Variants in ARHGEF28 observed in about 807,000 individuals in gnomAD.
ARHGEF28 encodes the protein 190 kDa guanine nucleotide exchange factor.
A neutral mutation model predicts 206.6 loss-of-function variants in ARHGEF28; 152 were observed. The observed-to-expected ratio is 0.74, with a 90% CI of 0.64 to 0.84. The LOEUF is 0.84. Ranked by LOEUF, ARHGEF28 falls within the 40% of genes least tolerant of loss-of-function variation. ARHGEF28 has a pLI of 0.00. For synonymous variants in ARHGEF28, 763 were observed against 776.4 expected, an observed-to-expected ratio of 0.98 and a Z score of 0.29; for missense variants, 2,028 against 2,073.2, an observed-to-expected ratio of 0.98 and a Z score of 0.42.
In ARHGEF28 at chr5:73,766,828, C is replaced by A. The variant is rs566751278; in HGVS notation, c.476-7027C>A. On this transcript the variant is annotated intron_variant, in intron 4 of 35. Transcript: ENST00000513042. The stretch of plus-strand genomic sequence containing the variant: ...ATTTAGAGAAACTAATATCTCATAG[C>A]AAATCTGTTCCATAGCAATTCCATT... Among the ~76,000 whole-genome samples the A allele has an allele frequency of 3.3e-5, 5 of 152,322 alleles. No homozygotes were observed. The South Asian group carries it at 1.0e-3, about 32-fold the overall frequency.
intron 2 of ARHGEF28, among the ~76,000 whole-genome samples, chr5:73,736,280 C>T (rs950923103): frequency 6.6e-5 from 10 of 152,110 alleles, no homozygotes; most frequent in Admixed American, 6.5e-5. Context: ...CTCTTGTTTT[C>T]GGCAGAGGCT....
intron 22 of ARHGEF28, among the ~76,000 whole-genome samples, chr5:73,879,350 C>G (rs1206979854): frequency 6.6e-6 from 1 of 152,170 alleles, no homozygotes; most frequent in Non-Finnish European, 1.5e-5. Context: ...AAGTTTTCAA[C>G]TTCTTTGCCT....
At chr5:73,659,358 G>A (rs985161097) in intron 1 of ARHGEF28, among the ~76,000 whole-genome samples, 4 of 152,018 alleles carry the variant, frequency 2.6e-5, no homozygotes, top group African/African-American at 4.8e-5. Flanking sequence ...GTGAAACCCC[G>A]TCTCTACTAA....
chr5:73,677,967 C>T (rs1746810454), intron 1 of ARHGEF28, among the ~76,000 whole-genome samples: 1 of 152,166 alleles, frequency 6.6e-6, no homozygotes, highest in Admixed American at 6.5e-5. Context: ...AGTGACAGCA[C>T]ATCAAGGACT....
intron 29 of ARHGEF28, 33 bp from the exon 30 acceptor site, chr5:73,897,929 T>G (rs1475359115): frequency 6.5e-7 from 1 of 1,544,936 alleles, no homozygotes; most frequent in Admixed American, 2.0e-5. Context: ...TATCTTTGTT[T>G]TTTAGATTTA....
intron 1 of ARHGEF28, among the ~76,000 whole-genome samples, chr5:73,651,724 A>G (rs1454493539): frequency 6.6e-6 from 1 of 152,222 alleles, no homozygotes; most frequent in East Asian, 1.9e-4. Flanking sequence ...GTGACTATAT[A>G]TACAATTATC....
At chr5:73,765,310 A>G (rs551489004) in intron 4 of ARHGEF28, among the ~76,000 whole-genome samples, 6 of 152,340 alleles carry the variant, frequency 3.9e-5, no homozygotes, top group Non-Finnish European at 7.3e-5. Flanking sequence ...AGCAATATAC[A>G]TTCAGTAGAA....
chr5:73,904,265 G>A lies in ARHGEF28; in HGVS notation c.4113+5G>A, dbSNP rs753005506. On this transcript the variant is annotated splice_donor_5th_base_variant and intron_variant, in intron 32 of 35. Transcript: ENST00000513042. ...CCAGGTTCTTCACAATCAGAGGTGA[G>A]CTGCTGCACATACCTTAAATGTATC... 5 of 1,613,896 alleles carry A rather than the reference G, an allele frequency of 3.1e-6. No individual in the cohort carries two copies. The highest frequency in any genetic ancestry group is 3.4e-6 in the Non-Finnish European group (4 of 1,179,826).
At chr5:73,896,288 G>T (rs1451718561) in intron 29 of ARHGEF28, among the ~76,000 whole-genome samples, 1 of 152,196 alleles carries the variant, frequency 6.6e-6, no homozygotes, top group Non-Finnish European at 1.5e-5. Context: ...CCCTGAGGCT[G>T]CAGTGAGCTT....
At chr5:73,872,825 A>G (rs1760191110) in intron 21 of ARHGEF28, among the ~76,000 whole-genome samples, 174 bp from the exon 22 acceptor site, 1 of 152,192 alleles carries the variant, frequency 6.6e-6, no homozygotes, top group South Asian at 2.1e-4. Flanking sequence ...ATGGTTTAAT[A>G]TTTTAGAGTG....
At chr5:73,914,454 T>C (rs923342538) in intron 35 of ARHGEF28, among the ~76,000 whole-genome samples, 5 of 145,340 alleles carry the variant, frequency 3.4e-5, no homozygotes, top group African/African-American at 1.0e-4. Context: ...TGGAGTGCAG[T>C]GGTAATATCT....
intron 2 of ARHGEF28, among the ~76,000 whole-genome samples, chr5:73,715,158 C>T (rs767685873): frequency 1.4e-4 from 22 of 152,234 alleles, no homozygotes; most frequent in South Asian, 6.2e-4. Context: ...AAAGTAATTG[C>T]GAGGTGGCTG....
intron 2 of ARHGEF28, among the ~76,000 whole-genome samples, chr5:73,735,049 C>T (rs182302259): frequency 8.8e-4 from 134 of 152,174 alleles, no homozygotes; most frequent in Middle Eastern, 3.4e-3. Context: ...GCCGACCTCA[C>T]TGTGCTGTTT....
chr5:73,674,708 A>AC (rs1221349178), intron 1 of ARHGEF28, among the ~76,000 whole-genome samples: 11 of 152,128 alleles, frequency 7.2e-5, no homozygotes, highest in Non-Finnish European at 8.8e-5. Flanking sequence ...TTTCAGCTCC[A>AC]CCCCCCAACC....
At chr5:73,917,064 T>C (rs1206588635) in intron 35 of ARHGEF28, among the ~76,000 whole-genome samples, 3 of 152,208 alleles carry the variant, frequency 2.0e-5, no homozygotes, top group Non-Finnish European at 4.4e-5. Context: ...AGTCTATAGG[T>C]TTATTTCCTA....
intron 1 of ARHGEF28, among the ~76,000 whole-genome samples, chr5:73,670,584 C>T (rs970283060): frequency 1.3e-5 from 2 of 152,128 alleles, no homozygotes; most frequent in Non-Finnish European, 2.9e-5. Context: ...AACTGCTTTC[C>T]AGAGTGGCTT....
At chr5:73,753,408 A>G (rs1752134537) in intron 4 of ARHGEF28, among the ~76,000 whole-genome samples, 1 of 152,174 alleles carries the variant, frequency 6.6e-6, no homozygotes, top group South Asian at 2.1e-4. Flanking sequence ...TGTGGGATAA[A>G]TGGAAGAGCC....
intron 2 of ARHGEF28, among the ~76,000 whole-genome samples, chr5:73,693,974 C>T (rs1266368809): frequency 6.6e-6 from 1 of 152,168 alleles, no homozygotes; most frequent in African/African-American, 2.4e-5. Context: ...GGCCAGCAGC[C>T]ACGAGATGTC....
At chr5:73,663,195 A>G (rs578160186) in intron 1 of ARHGEF28, among the ~76,000 whole-genome samples, 191 of 152,286 alleles carry the variant, frequency 1.3e-3, no homozygotes, top group Non-Finnish European at 2.3e-3. Flanking sequence ...ATCTCAGATG[A>G]TCCGCCCACC....
Sources: allele counts gnomAD v4.1 joint callset (sites outside exome capture counted in the v4.1 genomes callset), GRCh38; gene constraint gnomAD v4.1.1; transcripts MANE v1.5; gene names NCBI Gene and HGNC (gene_info 2026-07-23, HGNC 2026-07-21).